The following IPCEF1 variants were observed in gnomAD, a reference collection of about 807,000 sequenced individuals.
The protein encoded by IPCEF1 is interaction protein for cytohesin exchange factors 1.
In IPCEF1, 31 loss-of-function variants were observed where a neutral mutation model predicts 50.9. The ratio of observed to expected loss-of-function variants is 0.61; its 90% confidence interval spans 0.46 to 0.82. The LOEUF (loss-of-function observed/expected upper bound fraction) is 0.82. Ranked by LOEUF, IPCEF1 falls within the 40% of genes least tolerant of loss-of-function variation. The probability of loss-of-function intolerance (pLI) is 0.00; values close to 1 mark genes in which losing one functional copy is unlikely to be tolerated. For synonymous variants in IPCEF1, 181 were observed against 192.0 expected (o/e 0.94, Z 0.47); for missense variants, 458 against 514.0 (o/e 0.89, Z 1.05).
At chr6:154,290,660 A>G (rs1782490244) in intron 1 of IPCEF1, among the ~76,000 whole-genome samples, 2 of 152,158 alleles carry the variant, frequency 1.3e-5, no homozygotes, top group Non-Finnish European at 2.9e-5. Context: ...TATGAAAACA[A>G]AAGTTTTCTC....
intron 5 of IPCEF1, among the ~76,000 whole-genome samples, chr6:154,227,068 G>T (rs1276337352): frequency 6.6e-6 from 1 of 151,850 alleles, no homozygotes; most frequent in Admixed American, 6.6e-5. Flanking sequence ...TGTGGTGGCG[G>T]ACGCCTGTAA....
At position 154,204,475 on chromosome 6, in the gene IPCEF1, T is replaced by G. The variant is rs563781175; in HGVS notation, c.538-4435A>C. On this transcript the variant is annotated intron_variant, in intron 9 of 11. Transcript: ENST00000367220. ...CAAAAACAAAAAATAAACCAGTCAA[T>G]TGTTGTTAAGCCCCAGGAAGTATCA... Among the ~76,000 whole-genome samples the G allele has an allele frequency of 3.3e-5, 5 of 152,274 alleles. No individual in the cohort carries two copies. In the South Asian group the frequency reaches 8.3e-4, roughly 25 times the overall value.
intron 2 of IPCEF1, among the ~76,000 whole-genome samples, chr6:154,273,720 CTTTCTTTTTTTTTTTTTTTTTTTT>C (rs1781961378): frequency 1.2e-4 from 3 of 25,458 alleles, no homozygotes; most frequent in African/African-American, 2.4e-4. Flanking sequence ...TTCTTTCTTT[CTTTCTTTTTTTTTTTTTTTTTTTT>C]TTTTTTTTTT....
chr6:154,296,285 T>C (rs1437265997), intron 1 of IPCEF1, among the ~76,000 whole-genome samples: 1 of 152,002 alleles, frequency 6.6e-6, no homozygotes, highest in Non-Finnish European at 1.5e-5. Context: ...AGAGCTGCTA[T>C]AAGAAGAGGA....
chr6:154,265,760 C>T (rs1031571723), intron 3 of IPCEF1, 152 bp downstream of exon 3: 4 of 640,800 alleles, frequency 6.2e-6, no homozygotes, highest in East Asian at 5.5e-5. Context: ...ACCATAAGAC[C>T]GTTTAAATCT....
At chr6:154,166,285 C>A (rs1217597233) in intron 11 of IPCEF1, among the ~76,000 whole-genome samples, 1 of 152,156 alleles carries the variant, frequency 6.6e-6, no homozygotes, top group Non-Finnish European at 1.5e-5. Flanking sequence ...AAAGTTGGCC[C>A]CCCAGTGGCC....
intron 1 of IPCEF1, among the ~76,000 whole-genome samples, chr6:154,340,214 A>T (rs1252008713): frequency 6.6e-6 from 1 of 151,934 alleles, no homozygotes; most frequent in Non-Finnish European, 1.5e-5. Context: ...TGGTCAGGGC[A>T]CAGCTTGGTT....
chr6:154,333,624 G>A lies in IPCEF1; in HGVS notation c.-62+23048C>T, dbSNP rs138257571. Among the ~76,000 whole-genome samples, 55 of 142,672 alleles carry A rather than the reference G, an allele frequency of 3.9e-4. No individual in the cohort carries two copies. In the East Asian group the frequency reaches 8.5e-3, roughly 22 times the overall value. The allele number at this position is 142,672 out of a possible 152,430, so 93.6% of individuals were successfully genotyped here. ...TATGTATACAAGTATACATATATAC[G>A]TACATATGTATACAAGTATACATGT... On this transcript the variant is annotated intron_variant, in intron 1 of 11. Coordinates refer to ENST00000367220, the MANE Select transcript of IPCEF1 (RefSeq NM_001130700.2).
intron 10 of IPCEF1, among the ~76,000 whole-genome samples, chr6:154,181,469 C>T (rs752402478): frequency 3.3e-5 from 5 of 152,164 alleles, no homozygotes; most frequent in Admixed American, 6.5e-5. Context: ...TTCTTAAATA[C>T]TATGCTTTAA....
chr6:154,181,140 C>T (rs1349155862), intron 10 of IPCEF1, among the ~76,000 whole-genome samples: 1 of 151,918 alleles, frequency 6.6e-6, no homozygotes, highest in Admixed American at 6.6e-5. Context: ...TACAACATAG[C>T]AAAAGATTTG....
rs373332261 is a variant in IPCEF1 at position 154,165,038 on chromosome 6, C to T, written c.1104+2882G>A. Among the ~76,000 whole-genome samples the T allele has an allele frequency of 4.6e-5, 7 of 152,284 alleles. No individual in the cohort carries two copies. The East Asian group carries it at 9.6e-4, about 21-fold the overall frequency. ...GCAAATATAAACATTATTGTTAAAA[C>T]AGTTTCCTTGTTTCTGCATGAAACT... On this transcript the variant is annotated intron_variant, in intron 11 of 11. Coordinates refer to ENST00000367220, the MANE Select transcript of IPCEF1 (RefSeq NM_001130700.2).
At chr6:154,199,570 T>C in intron 10 of IPCEF1, 98 bp downstream of exon 10, 1 of 1,331,254 alleles carries the variant, frequency 7.5e-7, no homozygotes, top group South Asian at 1.5e-5. Flanking sequence ...GAATCATCAT[T>C]CATGAGTTTA....
chr6:154,202,953 T>C (rs1777192564), intron 9 of IPCEF1, among the ~76,000 whole-genome samples: 1 of 152,152 alleles, frequency 6.6e-6, no homozygotes, highest in Non-Finnish European at 1.5e-5. Flanking sequence ...GGAGTTTTCA[T>C]TGGAAAAGAG....
At chr6:154,277,985 CTT>C (rs2128662146) in intron 2 of IPCEF1, among the ~76,000 whole-genome samples, 1 of 152,260 alleles carries the variant, frequency 6.6e-6, no homozygotes, top group Admixed American at 6.5e-5. Context: ...ACCTCCTCAT[CTT>C]CCATGCACAC....
rs1028240063 is a variant in IPCEF1, at chr6:154,159,039, T to C, written c.*789A>G. On this transcript the variant is annotated 3_prime_UTR_variant, in exon 12 of 12. Transcript: ENST00000367220. Reference sequence around the variant, plus strand: ...GGATCACAGCCAAGGACAAGAGCAGTAGACATTCTTTGCGGAACATATTCC... The same window carrying C: ...GGATCACAGCCAAGGACAAGAGCAGCAGACATTCTTTGCGGAACATATTCC... 3.3e-5 allele frequency: 5 copies of C among 152,234 alleles called. No homozygotes were observed. Among genetic ancestry groups the C allele is most frequent in the Non-Finnish European group, 7.3e-5 (5 of 68,058 alleles). The allele number at this position is 152,234 out of a possible 1,614,324, so 9.4% of individuals were successfully genotyped here. A position where few individuals can be genotyped will look rare whatever the true frequency, so the allele number is the denominator to read the frequency against.
chr6:154,195,791 ATTTTTTT>A (rs34769762), intron 10 of IPCEF1, among the ~76,000 whole-genome samples: 1 of 130,572 alleles, frequency 7.7e-6, no homozygotes, highest in Admixed American at 7.5e-5. Context: ...CTTGTTCACA[ATTTTTTT>A]TTTTTTTTTT....
chr6:154,319,540 C>T (rs1338076231), intron 1 of IPCEF1, among the ~76,000 whole-genome samples: 2 of 152,216 alleles, frequency 1.3e-5, no homozygotes, highest in Non-Finnish European at 2.9e-5. Flanking sequence ...CGCCCCCAGG[C>T]CCTTTTTAAT....
rs961516962 is a variant in IPCEF1, at chr6:154,168,797, G to A, written c.911-684C>T. ...ATTTTTATATTTTTAGTACAGACAG[G>A]GTTTCACCATGTTGCCCAGGCTGGT... On this transcript the variant is annotated intron_variant, in intron 10 of 11. Coordinates refer to ENST00000367220, the MANE Select transcript of IPCEF1 (RefSeq NM_001130700.2). The surrounding 1 kb of genome is among the most constrained non-coding windows in gnomAD (Gnocchi z 4.1). Among the ~76,000 whole-genome samples, 2 of 151,880 alleles carry A rather than the reference G, an allele frequency of 1.3e-5. No homozygotes were observed. Among genetic ancestry groups the A allele is most frequent in the African/African-American group, 4.8e-5 (2 of 41,446 alleles).
intron 1 of IPCEF1, among the ~76,000 whole-genome samples, chr6:154,352,850 G>T (rs1042273700): frequency 4.6e-5 from 7 of 152,170 alleles, no homozygotes; most frequent in Non-Finnish European, 1.0e-4. Flanking sequence ...GTACCAAGAT[G>T]ATAAACATAT....
Sources: allele counts gnomAD v4.1 joint callset (sites outside exome capture counted in the v4.1 genomes callset), GRCh38; gene constraint gnomAD v4.1.1; non-coding constraint Gnocchi (gnomAD v3.1); transcripts MANE v1.5; gene names NCBI Gene and HGNC (gene_info 2026-07-23, HGNC 2026-07-21).